Variants in NUDCD1 observed in about 807,000 individuals in gnomAD.
NUDCD1 encodes the protein NudC domain containing 1.
NUDCD1 carries 60 observed loss-of-function variants against 67.8 expected under a neutral mutation model. That is an observed-to-expected ratio of 0.88 (90% confidence interval 0.72 to 1.10). The LOEUF (loss-of-function observed/expected upper bound fraction) is 1.10. Among genes scored for constraint, NUDCD1 ranks in the 50% least tolerant of loss-of-function variants. The pLI is 0.00. For missense variants in NUDCD1, 643 were observed against 695.0 expected (o/e 0.93, Z 0.84); for synonymous variants, 244 against 230.8 (o/e 1.06, Z -0.52).
intron 2 of NUDCD1, among the ~76,000 whole-genome samples, chr8:109,304,967 C>T (rs1240457589): frequency 6.6e-6 from 1 of 151,476 alleles, no homozygotes; most frequent in South Asian, 2.1e-4. Context: ...CAGGCCCATT[C>T]TATTCTGTCG....
intron 8 of NUDCD1, among the ~76,000 whole-genome samples, chr8:109,269,892 T>C (rs2129945196): frequency 6.6e-6 from 1 of 150,702 alleles, no homozygotes; most frequent in South Asian, 2.1e-4. Context: ...TTAGTAGTAT[T>C]AACTAATGGT....
At chr8:109,244,026 T>A (rs1034011217) in intron 9 of NUDCD1, among the ~76,000 whole-genome samples, 13 of 152,218 alleles carry the variant, frequency 8.5e-5, no homozygotes, top group African/African-American at 3.1e-4. Flanking sequence ...AAATATAAAT[T>A]ATGATTTTTA....
intron 4 of NUDCD1, among the ~76,000 whole-genome samples, chr8:109,291,513 C>T (rs949935163): frequency 1.3e-5 from 2 of 152,022 alleles, no homozygotes; most frequent in African/African-American, 4.8e-5. Flanking sequence ...TATTTTATGT[C>T]CACATTTTCA....
intron 1 of NUDCD1, among the ~76,000 whole-genome samples, chr8:109,332,804 T>C (rs1815841178): frequency 6.6e-6 from 1 of 151,930 alleles, no homozygotes; most frequent in Non-Finnish European, 1.5e-5. Context: ...AAAAGAAAAA[T>C]CAAGCTTATC....
rs1053262343 is a variant in NUDCD1, at chr8:109,241,763, G to A, written c.*1246C>T. ...CAAATACTTGCCCAGACAGGCAAAAGATATGTTAGGAACAAAGCTTTTCTA... is the reference window on the plus strand; with the variant it reads ...CAAATACTTGCCCAGACAGGCAAAAAATATGTTAGGAACAAAGCTTTTCTA... On this transcript the variant is annotated 3_prime_UTR_variant, in exon 10 of 10. Coordinates refer to ENST00000239690, the MANE Select transcript of NUDCD1 (RefSeq NM_032869.4). The A allele has an allele frequency of 4.2e-6, 1 of 240,152 alleles. No individual in the cohort carries two copies. Among genetic ancestry groups the A allele is most frequent in the Non-Finnish European group, 7.9e-6 (1 of 126,882 alleles). 14.9% of individuals were successfully genotyped at this position (240,152 alleles called of 1,614,324 possible). A position where few individuals can be genotyped will look rare whatever the true frequency, so the allele number is the denominator to read the frequency against.
intron 3 of NUDCD1, among the ~76,000 whole-genome samples, chr8:109,296,008 A>T (rs894262447): frequency 3.9e-5 from 6 of 152,168 alleles, no homozygotes; most frequent in Non-Finnish European, 5.9e-5. Flanking sequence ...TGACCAATGT[A>T]AACATCCCAG....
At chr8:109,271,614 A>C (rs1204775687) in intron 7 of NUDCD1, among the ~76,000 whole-genome samples, 1 of 152,144 alleles carries the variant, frequency 6.6e-6, no homozygotes, top group Non-Finnish European at 1.5e-5. Flanking sequence ...TAACTGGAGG[A>C]GGGCAAGAAG....
At chr8:109,257,390 A>T (rs1334558169) in intron 8 of NUDCD1, among the ~76,000 whole-genome samples, 1 of 152,138 alleles carries the variant, frequency 6.6e-6, no homozygotes, top group African/African-American at 2.4e-5. Flanking sequence ...AAAATACAAA[A>T]TATCGGGATT....
intron 7 of NUDCD1, among the ~76,000 whole-genome samples, chr8:109,274,516 G>A (rs1814231981): frequency 6.6e-6 from 1 of 152,126 alleles, no homozygotes; most frequent in Admixed American, 6.6e-5. Context: ...TGAAATCAAA[G>A]TTTTGCAGTC....
chr8:109,275,228 G>C (rs540653262), intron 7 of NUDCD1, 124 bp downstream of exon 7: 1 of 783,528 alleles, frequency 1.3e-6, no homozygotes, highest in African/African-American at 1.7e-5. Context: ...ACTCAGATCA[G>C]TAGTATCTGA....
At chr8:109,252,506 C>T (rs539050791) in intron 8 of NUDCD1, among the ~76,000 whole-genome samples, 3 of 152,096 alleles carry the variant, frequency 2.0e-5, no homozygotes, top group African/African-American at 7.2e-5. Context: ...AGAGAACACA[C>T]CCCTTTAATC....
intron 1 of NUDCD1, among the ~76,000 whole-genome samples, chr8:109,328,287 T>A (rs529084059): frequency 6.6e-6 from 1 of 152,182 alleles, no homozygotes; most frequent in Admixed American, 6.5e-5. Context: ...TTAACTGTAG[T>A]GTAAATCTTC....
chr8:109,299,663 AC>A (rs1563677083), intron 2 of NUDCD1, among the ~76,000 whole-genome samples: 1 of 151,970 alleles, frequency 6.6e-6, no homozygotes, highest in Non-Finnish European at 1.5e-5. Flanking sequence ...GTCCTTCCCT[AC>A]CCACCTTGGG....
chr8:109,277,223 C>T (rs1343822736), intron 6 of NUDCD1, among the ~76,000 whole-genome samples: 2 of 152,124 alleles, frequency 1.3e-5, no homozygotes, highest in African/African-American at 4.8e-5. Context: ...CAGTCTGGCT[C>T]TAAGTCCATG....
At chr8:109,275,125 G>A (rs1157702103) in intron 7 of NUDCD1, among the ~76,000 whole-genome samples, 1 of 151,944 alleles carries the variant, frequency 6.6e-6, no homozygotes, top group Non-Finnish European at 1.5e-5. Flanking sequence ...AACAGATACA[G>A]GCAAACCCTC....
chr8:109,313,684 G>C (rs1815315518), intron 2 of NUDCD1: 1 of 416,548 alleles, frequency 2.4e-6, no homozygotes, highest in Non-Finnish European at 4.7e-6. Context: ...GCCCCACACT[G>C]CATTTAATCT....
chr8:109,308,061 GTCA>G (rs1381286834), intron 2 of NUDCD1, among the ~76,000 whole-genome samples: 1 of 152,128 alleles, frequency 6.6e-6, no homozygotes, highest in Non-Finnish European at 1.5e-5. Context: ...CCCTACACAG[GTCA>G]TCAAGACAGA....
chr8:109,257,470 A>G (rs985783704), intron 8 of NUDCD1, among the ~76,000 whole-genome samples: 4 of 152,154 alleles, frequency 2.6e-5, no homozygotes, highest in Non-Finnish European at 4.4e-5. Flanking sequence ...ATGAAGAGAC[A>G]ATGTTTATGG....
chr8:109,297,021 A>G (rs1814860117), intron 2 of NUDCD1, among the ~76,000 whole-genome samples: 1 of 152,222 alleles, frequency 6.6e-6, no homozygotes, highest in Admixed American at 6.5e-5. Context: ...TAAACTCATG[A>G]AAAAATCATG....
Sources: gnomAD v4.1 joint callset for allele counts (sites outside exome capture counted in the v4.1 genomes callset) on GRCh38, gnomAD v4.1.1 for gene constraint, MANE v1.5 for transcripts, NCBI Gene and HGNC (gene_info 2026-07-23, HGNC 2026-07-21) for gene names.